The following NBEA variants were observed in gnomAD, a reference collection of about 807,000 sequenced individuals.
NBEA encodes the protein lysosomal-trafficking regulator 2.
NBEA carries 44 observed loss-of-function variants against 343.4 expected under a neutral mutation model. The observed-to-expected ratio is 0.13, with a 90% CI of 0.10 to 0.16. The LOEUF (loss-of-function observed/expected upper bound fraction) is 0.16, where lower values mean the gene tolerates loss of function less well. Among genes scored for constraint, NBEA ranks in the 10% least tolerant of loss-of-function variants. The pLI, the probability that NBEA is intolerant of heterozygous loss-of-function variation, is 1.00. For missense variants in NBEA, 2,555 were observed against 3,631.3 expected (o/e 0.70, Z 7.62); for synonymous variants, 1,175 against 1,238.7 (o/e 0.95, Z 1.08).
intron 33 of NBEA, among the ~76,000 whole-genome samples, chr13:35,218,281 T>C (rs1022631555): frequency 1.3e-5 from 2 of 152,274 alleles, no homozygotes; most frequent in Admixed American, 6.6e-5. Flanking sequence ...TATATTCTTA[T>C]CATGTTGTCA....
intron 41 of NBEA, among the ~76,000 whole-genome samples, chr13:35,536,646 T>TGATAAATAGATAGATA (rs538748877): frequency 2.0e-5 from 2 of 99,360 alleles, no homozygotes; most frequent in South Asian, 6.1e-4. Flanking sequence ...AATAGATAGA[T>TGATAAATAGATAGATA]GATAGATAGA....
intron 34 of NBEA, among the ~76,000 whole-genome samples, chr13:35,236,499 T>C (rs2075239522): frequency 6.6e-6 from 1 of 152,072 alleles, no homozygotes; most frequent in Non-Finnish European, 1.5e-5. Context: ...CAGGCTGGAG[T>C]GTAGTGGCAC....
chr13:35,230,633 G>A lies in NBEA; in HGVS notation c.5649-1859G>A, dbSNP rs181515986. On this transcript the variant is annotated intron_variant, in intron 33 of 58. Coordinates refer to ENST00000379939, the MANE Select transcript of NBEA (RefSeq NM_001385012.1). ...CTGTAGGACATGATTCTAGAGATTT[G>A]AAGGAATTAATGAAATTGTAGATTC... Among the ~76,000 whole-genome samples the A allele has an allele frequency of 1.5e-3, 230 of 152,174 alleles. 1 individual carries two copies. The highest frequency in any genetic ancestry group is 5.4e-3 in the African/African-American group (224 of 41,530).
chr13:35,108,327 A>G (rs949083682), intron 11 of NBEA, among the ~76,000 whole-genome samples: 2 of 151,994 alleles, frequency 1.3e-5, no homozygotes, highest in Admixed American at 1.3e-4. Context: ...TTGAGTTTGA[A>G]TTATCAGCTT....
At chr13:35,019,304 G>GTT (rs1184776979) in intron 1 of NBEA, among the ~76,000 whole-genome samples, 2 of 142,978 alleles carry the variant, frequency 1.4e-5, no homozygotes, top group African/African-American at 5.1e-5. Flanking sequence ...TTTGTTTTTT[G>GTT]TTTTTTTTTT....
intron 49 of NBEA, among the ~76,000 whole-genome samples, chr13:35,639,993 A>G (rs866916956): frequency 3.9e-4 from 58 of 150,002 alleles, no homozygotes; most frequent in African/African-American, 1.3e-3. Context: ...TAATCATTCT[A>G]TGGAGAAAAA....
chr13:35,174,364 CTTCT>C (rs1384627102), intron 27 of NBEA, among the ~76,000 whole-genome samples: 1 of 152,002 alleles, frequency 6.6e-6, no homozygotes, highest in Non-Finnish European at 1.5e-5. Context: ...AGGGTTGTTC[CTTCT>C]GTTTGTTGTT....
At chr13:35,405,144 A>G (rs952564532) in intron 38 of NBEA, among the ~76,000 whole-genome samples, 9 of 152,186 alleles carry the variant, frequency 5.9e-5, no homozygotes, top group African/African-American at 1.9e-4. Context: ...TTTTGAAAAC[A>G]TATTGTTGTA....
intron 46 of NBEA, 92 bp from the exon 47 acceptor site, chr13:35,593,236 T>C: frequency 2.1e-6 from 3 of 1,435,246 alleles, no homozygotes; most frequent in Non-Finnish European, 2.8e-6. Context: ...CCTCCACATC[T>C]TGAAGGATTT....
intron 41 of NBEA, among the ~76,000 whole-genome samples, chr13:35,484,265 T>TGC (rs1566204277): frequency 4.4e-5 from 6 of 137,408 alleles, no homozygotes; most frequent in African/African-American, 1.7e-4. Context: ...TGTGTGTGTG[T>TGC]GTGTGTGTGT....
chr13:34,967,696 C>T (rs964506805), intron 1 of NBEA, among the ~76,000 whole-genome samples: 6 of 152,042 alleles, frequency 3.9e-5, no homozygotes, highest in Non-Finnish European at 8.8e-5. Context: ...ATATTTTAGC[C>T]TTTGTGGGCC....
At chr13:35,350,075 T>C (rs911048465) in intron 37 of NBEA, among the ~76,000 whole-genome samples, 1 of 152,134 alleles carries the variant, frequency 6.6e-6, no homozygotes, top group African/African-American at 2.4e-5. Context: ...TCTTTAAGTG[T>C]TTATCAAAGT....
At chr13:35,603,340 A>G (rs1408735236) in intron 47 of NBEA, among the ~76,000 whole-genome samples, 1 of 152,208 alleles carries the variant, frequency 6.6e-6, no homozygotes, top group Non-Finnish European at 1.5e-5. Flanking sequence ...AATAGGCTCA[A>G]AACTTTGCGT....
chr13:35,401,786 A>G (rs565761967), intron 38 of NBEA, among the ~76,000 whole-genome samples: 2 of 142,276 alleles, frequency 1.4e-5, no homozygotes, highest in Non-Finnish European at 3.2e-5. Context: ...TTAGAATTAG[A>G]AAAAAACTTC....
chr13:35,227,838 T>C (rs1314255318), intron 33 of NBEA, among the ~76,000 whole-genome samples: 1 of 152,010 alleles, frequency 6.6e-6, no homozygotes, highest in African/African-American at 2.4e-5. Flanking sequence ...TGTAGGGCCC[T>C]AAATAAGAAT....
intron 47 of NBEA, among the ~76,000 whole-genome samples, chr13:35,599,959 G>A (rs1444089751): frequency 6.6e-6 from 1 of 152,114 alleles, no homozygotes; most frequent in Non-Finnish European, 1.5e-5. Context: ...CCATATATAT[G>A]TCAACTTTAA....
At position 35,222,884 on chromosome 13, in the gene NBEA, T is replaced by G. The variant is rs534618399; in HGVS notation, c.5649-9608T>G. Among the ~76,000 whole-genome samples, 162 of 152,284 alleles carry G rather than the reference T, an allele frequency of 1.1e-3. 1 individual carries two copies. The highest frequency in any genetic ancestry group is 3.8e-3 in the African/African-American group (156 of 41,568). On this transcript the variant is annotated intron_variant, in intron 33 of 58. Transcript: ENST00000379939. ...TGGCTCACACCTGTAATTCCAGCACTTGGGGAGGCTGAGGCGGGTGAATCA... is the reference window on the plus strand; with the variant it reads ...TGGCTCACACCTGTAATTCCAGCACGTGGGGAGGCTGAGGCGGGTGAATCA...
Position 35,182,388 on chromosome 13 carries a change from C to G in NBEA, c.4691C>G (p.Ala1564Gly). Residue 1564 changes from alanine (A) to glycine (G), a missense_variant, in exon 29 of 59, where the codon GCT becomes GGT. Ala to Gly is a moderately conservative substitution (Grantham distance 60). Transcript: ENST00000379939. ...VDDSKQAQFL[A>G]LAVVYFISVL... Reference sequence around the variant, plus strand: ...GATAGCAAACAAGCACAGTTCTTAGCTCTGGCTGTTGTTTACTTCATTTCG... The same window carrying G: ...GATAGCAAACAAGCACAGTTCTTAGGTCTGGCTGTTGTTTACTTCATTTCG... 6.2e-7 allele frequency: 1 copy of G among 1,610,186 alleles called. No individual in the cohort carries two copies. The highest frequency in any genetic ancestry group is 8.5e-7 in the Non-Finnish European group (1 of 1,177,626).
chr13:35,629,775 C>T (rs2083376173), intron 49 of NBEA, among the ~76,000 whole-genome samples: 1 of 152,190 alleles, frequency 6.6e-6, no homozygotes, highest in African/African-American at 2.4e-5. Flanking sequence ...CTCAACTGTA[C>T]ACCCTTGCTT....
Sources: gnomAD v4.1 joint callset for allele counts (sites outside exome capture counted in the v4.1 genomes callset) on GRCh38, gnomAD v4.1.1 for gene constraint, MANE v1.5 for transcripts, NCBI Gene and HGNC (gene_info 2026-07-23, HGNC 2026-07-21) for gene names.